GPBP1: variants seen among roughly 807,000 people sequenced by gnomAD.
GPBP1 encodes the protein vasculin.
In GPBP1, 13 loss-of-function variants were observed where a neutral mutation model predicts 56.5. The ratio of observed to expected loss-of-function variants is 0.23; its 90% CI spans 0.15 to 0.37. The LOEUF is 0.37. Among genes scored for constraint, GPBP1 ranks in the 10% least tolerant of loss-of-function variants. GPBP1 has a pLI of 1.00. For synonymous variants in GPBP1, 204 were observed against 188.9 expected (o/e 1.08, Z -0.66); for missense variants, 477 against 572.3 (o/e 0.83, Z 1.70).
chr5:57,259,807 A>G (rs561364870), intron 10 of GPBP1, among the ~76,000 whole-genome samples: 30 of 152,174 alleles, frequency 2.0e-4, no homozygotes, highest in Admixed American at 3.3e-4. Context: ...TTTCCCAGGC[A>G]TTTTTCTGCT....
At chr5:57,225,924 AT>A (rs1246095858) in intron 3 of GPBP1, among the ~76,000 whole-genome samples, 1 of 152,230 alleles carries the variant, frequency 6.6e-6, no homozygotes, top group Admixed American at 6.5e-5. Context: ...TTTCGTTATG[AT>A]TAATAACAAT....
intron 2 of GPBP1, among the ~76,000 whole-genome samples, chr5:57,178,248 T>C (rs1753883279): frequency 6.6e-6 from 1 of 152,176 alleles, no homozygotes; most frequent in African/African-American, 2.4e-5. Flanking sequence ...TTATTTGTGA[T>C]TTTTTCTTTT....
chr5:57,247,010 C>T (rs1053161453), intron 7 of GPBP1, 65 bp from the exon 8 acceptor site: 11 of 1,445,422 alleles, frequency 7.6e-6, no homozygotes, highest in Non-Finnish European at 8.5e-6. Context: ...ATAATATTCA[C>T]TGTTTTTGTC....
intron 2 of GPBP1, among the ~76,000 whole-genome samples, chr5:57,183,385 T>TA (rs2111586806): frequency 6.6e-6 from 1 of 152,006 alleles, no homozygotes; most frequent in African/African-American, 2.4e-5. Flanking sequence ...AATAAAAACA[T>TA]ACATACATAC....
chr5:57,247,168 A>G lies in GPBP1; in HGVS notation c.757A>G (p.Lys253Glu). 1 of 1,613,830 alleles carries G rather than the reference A, an allele frequency of 6.2e-7. No individual in the cohort carries two copies. The highest frequency in any genetic ancestry group is 8.5e-7 in the Non-Finnish European group (1 of 1,179,824). Residue 253 changes from lysine to glutamate, a missense_variant, in exon 8 of 12, where the codon AAA becomes GAA. Around this residue, in one of 2 missense-constraint regions of GPBP1, gnomAD observed 414 missense variants for 458.2 expected, o/e 0.90. Transcript: ENST00000506184. Reference protein sequence around the residue: ...TFGVGNFNAFKSTAKNFSPST... With the variant: ...TFGVGNFNAFESTAKNFSPST... ...TGGCGTTGGCAACTTTAATGCTTTT[A>G]AATCAACTGCCAAGAACTTTAGTCC...
At chr5:57,239,025 T>A (rs1264285785) in intron 6 of GPBP1, among the ~76,000 whole-genome samples, 2 of 152,354 alleles carry the variant, frequency 1.3e-5, no homozygotes, top group African/African-American at 4.8e-5. Flanking sequence ...ATTGATTTTA[T>A]TAATAGGAAC....
At chr5:57,222,520 T>G (rs1233815830) in intron 3 of GPBP1, among the ~76,000 whole-genome samples, 1 of 152,194 alleles carries the variant, frequency 6.6e-6, no homozygotes, top group Non-Finnish European at 1.5e-5. Context: ...GAAATAACTG[T>G]TTTTTCCCTT....
At chr5:57,199,102 T>C (rs1754887904) in intron 2 of GPBP1, among the ~76,000 whole-genome samples, 1 of 152,224 alleles carries the variant, frequency 6.6e-6, no homozygotes, top group Non-Finnish European at 1.5e-5. Context: ...GTACACTTAG[T>C]ACAGTTCTTT....
chr5:57,263,002 A>G lies in GPBP1; in HGVS notation c.*250A>G. On this transcript the variant is annotated 3_prime_UTR_variant, in exon 12 of 12. Transcript: ENST00000506184. The stretch of plus-strand genomic sequence containing the variant: ...CAACATTGACTTTCTTCATCACTGC[A>G]ACATTTCTCTGACTAGCAATGTGAC... 3.0e-6 allele frequency: 1 copy of G among 330,056 alleles called. No homozygotes were observed. Among genetic ancestry groups the G allele is most frequent in the Admixed American group, 4.7e-5 (1 of 21,478 alleles). 20.4% of individuals were successfully genotyped at this position (330,056 alleles called of 1,614,324 possible).
intron 5 of GPBP1, among the ~76,000 whole-genome samples, chr5:57,233,070 G>A (rs1334265455): frequency 2.0e-5 from 3 of 152,194 alleles, no homozygotes; most frequent in Non-Finnish European, 2.9e-5. Flanking sequence ...GAGGAGTCAC[G>A]TGATGCATTG....
rs2111855379 is a variant in GPBP1 at position 57,231,254 on chromosome 5, T to C, written c.344T>C (p.Ile115Thr). ...GKSQGLHENN[I>T]PDNETGRKED... ...AGCCAAGGACTACATGAAAACAACATACCTGACAATGAAACCGGGAGGAAA... is the reference window on the plus strand; with the variant it reads ...AGCCAAGGACTACATGAAAACAACACACCTGACAATGAAACCGGGAGGAAA... The change falls in exon 5 of 12, where the codon ATA becomes ACA. Residue 115 changes from isoleucine (I) to threonine (T), a missense_variant. Around this residue, in one of 2 missense-constraint regions of GPBP1, gnomAD observed 414 missense variants for 458.2 expected, o/e 0.90. Transcript: ENST00000506184. The C allele has an allele frequency of 1.9e-6, 3 of 1,614,096 alleles. No homozygotes were observed. The highest frequency in any genetic ancestry group is 2.2e-5 in the South Asian group (2 of 91,086).
chr5:57,237,171 A>C (rs1756693915), intron 6 of GPBP1: 1 of 1,542,576 alleles, frequency 6.5e-7, no homozygotes, highest in African/African-American at 1.4e-5. Context: ...CTCCTCTCTT[A>C]GGTATGTTTC....
intron 10 of GPBP1, among the ~76,000 whole-genome samples, chr5:57,258,342 C>G (rs1275378675): frequency 6.6e-6 from 1 of 152,078 alleles, no homozygotes; most frequent in African/African-American, 2.4e-5. Flanking sequence ...AGTGTACTTA[C>G]ACAAACTAGA....
chr5:57,221,313 T>G (rs1050622277), intron 3 of GPBP1: 11 of 1,156,234 alleles, frequency 9.5e-6, no homozygotes, highest in African/African-American at 1.5e-5. Context: ...TTTGTGATTT[T>G]CTAGTTTTTT....
At chr5:57,228,675 TAAAAA>T (rs1281172449) in intron 3 of GPBP1, among the ~76,000 whole-genome samples, 1 of 151,114 alleles carries the variant, frequency 6.6e-6, no homozygotes, top group Non-Finnish European at 1.5e-5. Flanking sequence ...TTAAGGAAAT[TAAAAA>T]AAATAAGCTG....
At chr5:57,180,453 TTC>T (rs1450525970) in intron 2 of GPBP1, among the ~76,000 whole-genome samples, 1 of 152,186 alleles carries the variant, frequency 6.6e-6, no homozygotes, top group Non-Finnish European at 1.5e-5. Context: ...AAACCATCTT[TTC>T]TGTTTCTTTT....
At chr5:57,202,579 G>A (rs899027471) in intron 2 of GPBP1, among the ~76,000 whole-genome samples, 3 of 152,102 alleles carry the variant, frequency 2.0e-5, no homozygotes, top group Non-Finnish European at 4.4e-5. Context: ...ATGAGCCACC[G>A]TGCCCAGCAG....
At chr5:57,199,770 C>G (rs988136357) in intron 2 of GPBP1, among the ~76,000 whole-genome samples, 1 of 152,042 alleles carries the variant, frequency 6.6e-6, no homozygotes, top group Non-Finnish European at 1.5e-5. Context: ...CCCTTGCCTG[C>G]TGGATTAACT....
At chr5:57,196,148 A>G (rs1196672936) in intron 2 of GPBP1, among the ~76,000 whole-genome samples, 2 of 151,748 alleles carry the variant, frequency 1.3e-5, no homozygotes, top group Non-Finnish European at 2.9e-5. Flanking sequence ...TCAGTTTTTA[A>G]AGTCGAGATT....
Sources: gnomAD v4.1 joint callset for allele counts (sites outside exome capture counted in the v4.1 genomes callset) on GRCh38, gnomAD v4.1.1 for gene constraint, gnomAD v4.1.1 regional missense constraint, MANE v1.5 for transcripts, NCBI Gene and HGNC (gene_info 2026-07-23, HGNC 2026-07-21) for gene names.